The following SH3GL3 variants were observed in gnomAD, a reference collection of about 807,000 sequenced individuals.
SH3GL3 encodes SH3 domain containing GRB2 like 3, endophilin A3.
Under a neutral mutation model 47.7 loss-of-function variants are expected in SH3GL3, and 33 were observed. The observed-to-expected ratio is 0.69, with a 90% CI of 0.52 to 0.92. The LOEUF (loss-of-function observed/expected upper bound fraction) is 0.92, where lower values mean the gene tolerates loss of function less well. Ranked by LOEUF, SH3GL3 falls within the 40% of genes least tolerant of loss-of-function variation. The pLI is 0.00. For missense variants in SH3GL3, 363 were observed against 417.8 expected (o/e 0.87, Z 1.14); for synonymous variants, 155 against 148.8 (o/e 1.04, Z -0.30).
intron 1 of SH3GL3, among the ~76,000 whole-genome samples, chr15:83,532,386 A>G (rs1170386524): frequency 3.9e-5 from 6 of 152,200 alleles, no homozygotes; most frequent in Non-Finnish European, 7.3e-5. Flanking sequence ...AGGTTGTAAC[A>G]CTAATTGAGA....
rs767942766 is a variant in SH3GL3 at position 83,447,377 on chromosome 15, TGACAGC to T, written c.-155_-150del. ...CGGCGTGCGCGCGTGTGTGCGAGTGTGACAGCGGCTGTGGCTGTGGCCGTGGCCGTG... is the reference window on the plus strand; with the variant it reads ...CGGCGTGCGCGCGTGTGTGCGAGTGTGGCTGTGGCTGTGGCCGTGGCCGTG... On this transcript the variant is annotated 5_prime_UTR_variant, in exon 1 of 9. Coordinates refer to ENST00000427482, the MANE Select transcript of SH3GL3 (RefSeq NM_003027.5). This position sits in a 1 kb window ranked among gnomAD's most constrained non-coding sequence, Gnocchi z 5.1. 1 of 417,226 alleles carries T rather than the reference TGACAGC, an allele frequency of 2.4e-6. No individual in the cohort carries two copies. Among genetic ancestry groups the T allele is most frequent in the Non-Finnish European group, 4.1e-6 (1 of 243,152 alleles). 25.8% of individuals were successfully genotyped at this position (417,226 alleles called of 1,614,324 possible). A position where few individuals can be genotyped will look rare whatever the true frequency, so the allele number is the denominator to read the frequency against.
At chr15:83,505,240 A>G (rs1032572533) in intron 1 of SH3GL3, among the ~76,000 whole-genome samples, 3 of 152,130 alleles carry the variant, frequency 2.0e-5, no homozygotes, top group African/African-American at 7.2e-5. Context: ...TTGACCTTGT[A>G]GTGCACTCGC....
At chr15:83,535,370 T>C (rs2043859232) in intron 1 of SH3GL3, among the ~76,000 whole-genome samples, 1 of 152,230 alleles carries the variant, frequency 6.6e-6, no homozygotes. Flanking sequence ...AATTATTTCA[T>C]GTGGCTCAGA....
At chr15:83,484,297 A>G (rs2041499251) in intron 1 of SH3GL3, among the ~76,000 whole-genome samples, 1 of 152,122 alleles carries the variant, frequency 6.6e-6, no homozygotes, top group African/African-American at 2.4e-5. Flanking sequence ...TTTGCCTATT[A>G]TTTATTGAGG....
intron 1 of SH3GL3, among the ~76,000 whole-genome samples, chr15:83,555,733 A>T (rs2044919430): frequency 6.6e-6 from 1 of 152,180 alleles, no homozygotes; most frequent in Non-Finnish European, 1.5e-5. Context: ...TGTAAGCAGA[A>T]CTTGAACCCA....
At chr15:83,560,740 A>G (rs1228780893) in intron 2 of SH3GL3, among the ~76,000 whole-genome samples, 1 of 152,224 alleles carries the variant, frequency 6.6e-6, no homozygotes, top group Non-Finnish European at 1.5e-5. Flanking sequence ...GAAGAGATGC[A>G]TTAGATGGTA....
chr15:83,458,339 C>T (rs1167461098), intron 1 of SH3GL3, among the ~76,000 whole-genome samples: 1 of 152,138 alleles, frequency 6.6e-6, no homozygotes, highest in Non-Finnish European at 1.5e-5. Flanking sequence ...CAGGGTCATC[C>T]CAATGTTTTT....
chr15:83,621,720 A>G (rs72760402), downstream of SH3GL3, among the ~76,000 whole-genome samples: 18,318 of 152,236 alleles, frequency 0.12, 1,397 homozygotes, highest in South Asian at 0.25. Flanking sequence ...AAAAATCACT[A>G]TACCTGTGAA....
At position 83,591,666 on chromosome 15, in the gene SH3GL3, A is replaced by AT. The variant is rs199564480; in HGVS notation, c.838+2902dup. Among the ~76,000 whole-genome samples the AT allele has an allele frequency of 6.2e-3, 948 of 151,968 alleles. 11 individuals carry two copies. Among genetic ancestry groups the AT allele is most frequent in the African/African-American group, 0.02 (811 of 41,522 alleles). On this transcript the variant is annotated intron_variant, in intron 8 of 8. Transcript: ENST00000427482. Reference sequence around the variant, plus strand: ...AAATTATCAGAGTATATGTGTATACATTTTTTTATTTTTTATTTTATTTAT... The same window carrying AT: ...AAATTATCAGAGTATATGTGTATACATTTTTTTTATTTTTTATTTTATTTAT...
intron 8 of SH3GL3, among the ~76,000 whole-genome samples, chr15:83,591,590 C>A (rs1168004314): frequency 6.6e-6 from 1 of 152,018 alleles, no homozygotes; most frequent in Non-Finnish European, 1.5e-5. Context: ...ACCTCTACCT[C>A]TGTGTGAAAA....
the SH3GL3 span, among the ~76,000 whole-genome samples, chr15:83,632,300 T>C: frequency 6.6e-6 from 1 of 152,190 alleles, no homozygotes; most frequent in Admixed American, 6.5e-5. Context: ...AGTTCCAAAA[T>C]TGCTTCCACA....
intron 1 of SH3GL3, among the ~76,000 whole-genome samples, chr15:83,520,347 G>A (rs185792008): frequency 2.0e-5 from 3 of 152,282 alleles, no homozygotes; most frequent in African/African-American, 7.2e-5. Context: ...AAAAAGCAGA[G>A]TGTCTGCCTT....
chr15:83,566,908 A>C (rs879839096), intron 3 of SH3GL3, among the ~76,000 whole-genome samples: 6 of 152,208 alleles, frequency 3.9e-5, no homozygotes, highest in Non-Finnish European at 8.8e-5. Context: ...GACCGATGGA[A>C]TCACTCTACA....
At chr15:83,559,609 C>T (rs2045154985) in intron 2 of SH3GL3, among the ~76,000 whole-genome samples, 1 of 152,208 alleles carries the variant, frequency 6.6e-6, no homozygotes, top group Non-Finnish European at 1.5e-5. Context: ...TTGGCAGTTA[C>T]TGCAAGGCCA....
At chr15:83,598,380 A>G (rs2060288427) in intron 8 of SH3GL3, among the ~76,000 whole-genome samples, 1 of 152,178 alleles carries the variant, frequency 6.6e-6, no homozygotes, top group Non-Finnish European at 1.5e-5. Flanking sequence ...CATTTCCTCC[A>G]TCTGCTGCTT....
chr15:83,475,311 C>T (rs1344383239), intron 1 of SH3GL3, among the ~76,000 whole-genome samples: 1 of 151,820 alleles, frequency 6.6e-6, no homozygotes, highest in Non-Finnish European at 1.5e-5. Context: ...AACCCTGTCT[C>T]TACTAAAAAT....
intron 8 of SH3GL3, among the ~76,000 whole-genome samples, chr15:83,614,789 G>C (rs113068935): frequency 6.6e-6 from 1 of 152,078 alleles, no homozygotes; most frequent in African/African-American, 2.4e-5. Flanking sequence ...ATTTCAAGCT[G>C]TCTAAACAAC....
intron 7 of SH3GL3, among the ~76,000 whole-genome samples, chr15:83,588,175 C>T (rs534616651): frequency 3.9e-5 from 6 of 152,244 alleles, no homozygotes; most frequent in African/African-American, 1.2e-4. Context: ...AGTGCAGTGG[C>T]GCCATCTTGG....
intron 6 of SH3GL3, among the ~76,000 whole-genome samples, chr15:83,577,014 G>A (rs1460048137): frequency 7.2e-6 from 1 of 138,270 alleles, no homozygotes; most frequent in East Asian, 2.1e-4. Context: ...TGGTTCAAGT[G>A]ATTCTCATGC....
Sources: gnomAD v4.1 joint callset for allele counts (sites outside exome capture counted in the v4.1 genomes callset) on GRCh38, gnomAD v4.1.1 for gene constraint, Gnocchi (gnomAD v3.1) non-coding constraint, MANE v1.5 for transcripts, NCBI Gene and HGNC (gene_info 2026-07-23, HGNC 2026-07-21) for gene names.